The following DNMT3A variants were observed in gnomAD, a reference collection of about 807,000 sequenced individuals.
DNMT3A encodes DNA methyltransferase 3 alpha, also known as DNA (cytosine-5)-methyltransferase 3A.
A neutral mutation model predicts 117.6 loss-of-function variants in DNMT3A; 267 were observed. That is an observed-to-expected ratio of 2.27 (90% CI 2.05 to 2.51). The LOEUF is 2.51. DNMT3A is among the 30% of genes most tolerant of loss of function. The probability of loss-of-function intolerance (pLI) is 0.00; values close to 1 mark genes in which losing one functional copy is unlikely to be tolerated. For missense variants in DNMT3A, 1,029 were observed against 1,260.2 expected, an observed-to-expected ratio of 0.82 and a Z score of 2.78; for synonymous variants, 432 against 474.8, an observed-to-expected ratio of 0.91 and a Z score of 1.17.
At chr2:25,280,702 A>C (rs1480693394) in intron 4 of DNMT3A, among the ~76,000 whole-genome samples, 1 of 152,218 alleles carries the variant, frequency 6.6e-6, no homozygotes, top group Non-Finnish European at 1.5e-5. Context: ...GGCAAGAAGC[A>C]GGTTTTTGTT....
At chr2:25,246,559 A>G (rs1244423635) in intron 10 of DNMT3A, 61 bp downstream of exon 10, 1 of 1,562,306 alleles carries the variant, frequency 6.4e-7, no homozygotes, top group Non-Finnish European at 8.7e-7. Context: ...TGGCTTTCCC[A>G]GCCCTGGTGT....
Position 25,247,621 on chromosome 2 carries a change from G to C in DNMT3A, c.984C>G (p.Val328=). The C allele has an allele frequency of 6.2e-7, 1 of 1,613,866 alleles. No individual in the cohort carries two copies. Among genetic ancestry groups the C allele is most frequent in the Non-Finnish European group, 8.5e-7 (1 of 1,179,972 alleles). ...RSRAAEGTRW[V]MWFGDGKFSV... ...AGAATTTGCCGTCTCCGAACCACAT[G>C]ACCCAGCGGGTGCCTTCAGCTGCTC... is the stretch of plus-strand genomic sequence containing the variant. The change falls in exon 8 of 23, where the codon GTC becomes GTG. Residue 328 remains valine, a synonymous_variant. Coordinates refer to ENST00000321117, the MANE Select transcript of DNMT3A (RefSeq NM_022552.5). The surrounding 1 kb of genome is among the most constrained non-coding windows in gnomAD (Gnocchi z 5.6).
At chr2:25,307,214 C>T (rs2033828279) in intron 2 of DNMT3A, among the ~76,000 whole-genome samples, 1 of 152,248 alleles carries the variant, frequency 6.6e-6, no homozygotes, top group Non-Finnish European at 1.5e-5. Context: ...TGCCCTGTGG[C>T]TCTCTGCAGA....
Position 25,233,714 on chromosome 2 carries a change from C to T in DNMT3A, c.*565G>A, listed in dbSNP as rs1343730423. 1.5e-5 allele frequency: 3 copies of T among 197,276 alleles called. No individual in the cohort carries two copies. Among genetic ancestry groups the T allele is most frequent in the Non-Finnish European group, 2.9e-5 (3 of 102,218 alleles). The allele number at this position is 197,276 out of a possible 1,614,324, so 12.2% of individuals were successfully genotyped here. A position where few individuals can be genotyped will look rare whatever the true frequency, so the allele number is the denominator to read the frequency against. On this transcript the variant is annotated 3_prime_UTR_variant, in exon 23 of 23. Coordinates refer to ENST00000321117, the MANE Select transcript of DNMT3A (RefSeq NM_022552.5). Reference sequence around the variant, plus strand: ...AGTGTCTCTCTCTTTCCGTCCCCTGCTTGTGCTCCTATCTGATCAGGCTAG... The same window carrying T: ...AGTGTCTCTCTCTTTCCGTCCCCTGTTTGTGCTCCTATCTGATCAGGCTAG...
At position 25,232,145 on chromosome 2, in the gene DNMT3A, A is replaced by G. The variant is rs1672907581; in HGVS notation, c.*2134T>C. On this transcript the variant is annotated 3_prime_UTR_variant, in exon 23 of 23. Coordinates refer to ENST00000321117, the MANE Select transcript of DNMT3A (RefSeq NM_022552.5). This position sits in a 1 kb window ranked among gnomAD's most constrained non-coding sequence, Gnocchi z 4.1. ...CTATCTATGTATTTATAGAGCGCCT[A>G]TCACTGTAGGCCCCATCTTTCTAGG... is the stretch of plus-strand genomic sequence containing the variant. The G allele has an allele frequency of 6.6e-6, 1 of 152,038 alleles. No homozygotes were observed. Among genetic ancestry groups the G allele is most frequent in the African/African-American group, 2.4e-5 (1 of 41,408 alleles). 9.4% of individuals were successfully genotyped at this position (152,038 alleles called of 1,614,324 possible).
intron 6 of DNMT3A, among the ~76,000 whole-genome samples, chr2:25,251,704 C>T (rs1031551981): frequency 6.6e-6 from 1 of 152,236 alleles, no homozygotes; most frequent in Non-Finnish European, 1.5e-5. Context: ...TTCTGGCGGC[C>T]TGCCTGGAGG....
intron 2 of DNMT3A, 102 bp from the exon 3 acceptor site, chr2:25,300,345 C>A: frequency 1.5e-6 from 2 of 1,323,540 alleles, no homozygotes; most frequent in South Asian, 2.7e-5. Context: ...CAGCCCCAGC[C>A]TCCTCCTGTC....
chr2:25,289,590 C>T (rs576644375), intron 3 of DNMT3A, among the ~76,000 whole-genome samples: 51 of 152,304 alleles, frequency 3.3e-4, no homozygotes, highest in African/African-American at 5.5e-4. Flanking sequence ...TCCAGGATGG[C>T]TCAGGTACAG....
At chr2:25,239,058 G>A in intron 20 of DNMT3A, 72 bp downstream of exon 20, 3 of 1,400,774 alleles carry the variant, frequency 2.1e-6, no homozygotes, top group Non-Finnish European at 3.0e-6. Context: ...CGGCTCAGGG[G>A]CTTCCCCACT....
chr2:25,294,083 T>C lies in DNMT3A; in HGVS notation c.177+6056A>G, dbSNP rs753162025. On this transcript the variant is annotated intron_variant, in intron 3 of 22. Coordinates refer to ENST00000321117, the MANE Select transcript of DNMT3A (RefSeq NM_022552.5). This position sits in a 1 kb window ranked among gnomAD's most constrained non-coding sequence, Gnocchi z 4.7. ...CTCACCCTGCCCTGCATGCCTTCCT[T>C]CCTCCACACCCAGCTCAGCTGGGGT... 4.6e-5 allele frequency among the ~76,000 whole-genome samples: 7 copies of C among 152,130 alleles called. No homozygotes were observed. Among genetic ancestry groups the C allele is most frequent in the Non-Finnish European group, 7.4e-5 (5 of 68,018 alleles).
intron 2 of DNMT3A, among the ~76,000 whole-genome samples, chr2:25,300,678 TATTTAGATATATATTTATATATCTAAATA>T (rs2033398498): frequency 1.3e-4 from 10 of 75,276 alleles, no homozygotes; most frequent in East Asian, 4.4e-4. Flanking sequence ...TTTAGATATA[TATTTAGATATATATTTATATATCTAAATA>T]ATATAATATA....
intron 6 of DNMT3A, among the ~76,000 whole-genome samples, chr2:25,256,813 A>G (rs746445059): frequency 1.6e-4 from 24 of 152,122 alleles, no homozygotes; most frequent in Admixed American, 3.9e-4. Flanking sequence ...TGCGAAGGTG[A>G]TTGTGTACTC....
At chr2:25,264,137 T>TTG (rs1339989227) in intron 6 of DNMT3A, among the ~76,000 whole-genome samples, 2 of 126,328 alleles carry the variant, frequency 1.6e-5, no homozygotes, top group East Asian at 2.3e-4. Flanking sequence ...CTTTGGTTTT[T>TTG]TTTTTTTTTT....
At chr2:25,319,027 T>C (rs1279749233) in intron 1 of DNMT3A, among the ~76,000 whole-genome samples, 1 of 147,652 alleles carries the variant, frequency 6.8e-6, no homozygotes, top group Non-Finnish European at 1.5e-5. Context: ...CTTTTTTTTT[T>C]TTTTTGAGAC....
At chr2:25,278,476 T>TA (rs1029678347) in intron 4 of DNMT3A, among the ~76,000 whole-genome samples, 6 of 152,154 alleles carry the variant, frequency 3.9e-5, no homozygotes, top group African/African-American at 1.4e-4. Context: ...TAATCTTGGG[T>TA]AAGTAATTTA....
intron 1 of DNMT3A, among the ~76,000 whole-genome samples, chr2:25,318,798 T>C (rs540229144): frequency 2.0e-3 from 289 of 147,020 alleles, no homozygotes; most frequent in African/African-American, 6.9e-3. Context: ...CAGGGGTTCA[T>C]GCCATTCTCC....
At chr2:25,287,459 TG>T (rs1177875263) in intron 3 of DNMT3A, among the ~76,000 whole-genome samples, 2 of 152,160 alleles carry the variant, frequency 1.3e-5, no homozygotes, top group African/African-American at 4.8e-5. Flanking sequence ...CACCACTTCC[TG>T]GGGTCCCTCC....
rs774855118 is a variant in DNMT3A at position 25,247,082 on chromosome 2, A to G, written c.1091T>C (p.Met364Thr). The change falls in exon 9 of 23, where the codon ATG becomes ACG. Residue 364 changes from methionine (M) to threonine (T), a missense_variant. Coordinates refer to ENST00000321117, the MANE Select transcript of DNMT3A (RefSeq NM_022552.5). The surrounding 1 kb of genome is among the most constrained non-coding windows in gnomAD (Gnocchi z 5.6). ...GACCTCGTAGATGGCTTTGCGGTACATGGGCTGCTTGTTGTACGTGGCCTG... is the reference window on the plus strand; with the variant it reads ...GACCTCGTAGATGGCTTTGCGGTACGTGGGCTGCTTGTTGTACGTGGCCTG... ...FHQATYNKQP[M>T]YRKAIYEVLQ... 6.2e-7 allele frequency: 1 copy of G among 1,614,114 alleles called. No individual in the cohort carries two copies. The highest frequency in any genetic ancestry group is 8.5e-7 in the Non-Finnish European group (1 of 1,180,008).
chr2:25,281,747 T>G lies in DNMT3A; in HGVS notation c.448+694A>C. On this transcript the variant is annotated intron_variant, in intron 4 of 22. Transcript: ENST00000321117. This position sits in a 1 kb window ranked among gnomAD's most constrained non-coding sequence, Gnocchi z 4.8. The stretch of plus-strand genomic sequence containing the variant: ...TCGGTTGGCCCTGAAATTGCTGGCT[T>G]AACCTGAAAGAGAAAAGTGGGCAAC... 1 of 1,066,032 alleles carries G rather than the reference T, an allele frequency of 9.4e-7. No homozygotes were observed. Among genetic ancestry groups the G allele is most frequent in the Non-Finnish European group, 1.1e-6 (1 of 879,742 alleles). 66.0% of individuals were successfully genotyped at this position (1,066,032 alleles called of 1,614,324 possible).
Sources: allele counts gnomAD v4.1 joint callset (sites outside exome capture counted in the v4.1 genomes callset), GRCh38; gene constraint gnomAD v4.1.1; non-coding constraint Gnocchi (gnomAD v3.1); transcripts MANE v1.5; gene names NCBI Gene and HGNC (gene_info 2026-07-23, HGNC 2026-07-21).